The following MCM3 variants were observed in gnomAD, a reference collection of about 807,000 sequenced individuals.
MCM3 encodes minichromosome maintenance complex component 3, also known as DNA replication licensing factor MCM3.
MCM3 carries 59 observed loss-of-function variants against 91.3 expected under a neutral mutation model. That is an observed-to-expected ratio of 0.65 (90% CI 0.52 to 0.80). MCM3 has a LOEUF of 0.80. MCM3 is among the 30% of genes least tolerant of loss of function. The probability of loss-of-function intolerance (pLI) is 0.00; values close to 1 mark genes in which losing one functional copy is unlikely to be tolerated. For missense variants in MCM3, 919 were observed against 1,035.4 expected, an observed-to-expected ratio of 0.89 and a Z score of 1.54; for synonymous variants, 383 against 379.6, an observed-to-expected ratio of 1.01 and a Z score of -0.10.
intron 9 of MCM3, among the ~76,000 whole-genome samples, chr6:52,274,968 T>C (rs1329553410): frequency 6.6e-6 from 1 of 152,186 alleles, no homozygotes; most frequent in East Asian, 1.9e-4. Flanking sequence ...CTCACTATAT[T>C]GCCTAGGTTG....
chr6:52,277,385 A>T, intron 7 of MCM3, 150 bp downstream of exon 7: 1 of 985,104 alleles, frequency 1.0e-6, no homozygotes, highest in South Asian at 1.8e-5. Context: ...AATTCCAGAG[A>T]TGACAAAAAA....
chr6:52,272,068 TCA>T (rs368728580), intron 12 of MCM3, among the ~76,000 whole-genome samples: 4 of 152,212 alleles, frequency 2.6e-5, no homozygotes, highest in African/African-American at 9.7e-5. Context: ...GCTGAATGAA[TCA>T]CAGCTTCTGG....
rs770088069 is a variant in MCM3 at position 52,282,208 on chromosome 6, C to T, written c.401-33G>A. The T allele has an allele frequency of 9.9e-6, 16 of 1,611,590 alleles. No homozygotes were observed. The African/African-American group carries it at 2.0e-4, about 20-fold the overall frequency. On this transcript the variant is annotated intron_variant, in intron 3 of 16. Transcript: ENST00000596288. ...TGGAAAATGTGCATATATAAACTCACCCAACTAGACGATGATACAGGTGGA... is the reference window on the plus strand; with the variant it reads ...TGGAAAATGTGCATATATAAACTCATCCAACTAGACGATGATACAGGTGGA...
chr6:52,269,063 T>C (rs776413035), intron 13 of MCM3, 23 bp downstream of exon 13: 14 of 1,603,652 alleles, frequency 8.7e-6, no homozygotes, highest in Admixed American at 1.7e-5. Flanking sequence ...GATCCTCTCA[T>C]GCCCAGGCAT....
chr6:52,277,602 C>T lies in MCM3; in HGVS notation c.966G>A (p.Leu322=), dbSNP rs2307323. 0.013 allele frequency: 21,101 copies of T among 1,613,988 alleles called. 182 individuals are homozygous for T. The highest frequency in any genetic ancestry group is 0.02 in the South Asian group (1,862 of 91,076). ...TTTCTAGGTCTCGTTCCACCCCTCC[C>T]AAGAGCAAGCAGAGGATTGCTTTCT... is the stretch of plus-strand genomic sequence containing the variant. The part of the protein sequence containing the change: ...YVKKAILCLL[L]GGVERDLENG... Residue 322 remains leucine, a synonymous_variant, in exon 7 of 17, where the codon TTG becomes TTA. Transcript: ENST00000596288.
At position 52,276,389 on chromosome 6, in the gene MCM3, T is replaced by A. The variant is rs1489923600; in HGVS notation, c.1253A>T (p.Asp418Val). Reference sequence around the variant, plus strand: ...CATCACTTCATGGATGGCTGTGCGATCCATGTCAGACATTTTGTCAAATTC... The same window carrying A: ...CATCACTTCATGGATGGCTGTGCGAACCATGTCAGACATTTTGTCAAATTC... The part of the protein sequence containing the change: ...IDEFDKMSDM[D>V]RTAIHEVMEQ... Residue 418 changes from aspartate to valine, a missense_variant, in exon 9 of 17, where the codon GAT (aspartate) becomes GTT (valine). By Grantham distance (152) the Asp-to-Val change is radical (BLOSUM62 -3). This residue lies in a region of MCM3 where 233 missense variants were observed against 321.2 expected (regional missense o/e 0.73). Coordinates refer to ENST00000596288, the MANE Select transcript of MCM3 (RefSeq NM_002388.6). The A allele has an allele frequency of 6.2e-7, 1 of 1,614,068 alleles. No individual in the cohort carries two copies. Among genetic ancestry groups the A allele is most frequent in the African/African-American group, 1.3e-5 (1 of 74,926 alleles).
rs1394744460 is a variant in MCM3 at position 52,284,722 on chromosome 6, A to G, written c.-48T>C. On this transcript the variant is annotated 5_prime_UTR_variant, in exon 1 of 17. Coordinates refer to ENST00000596288, the MANE Select transcript of MCM3 (RefSeq NM_002388.6). ...CCACCAAAGTCGCGTGGAGGTTCCC[A>G]GGATGACTCCACCCCGGCGCGAAAA... 1.0e-5 allele frequency: 16 copies of G among 1,575,632 alleles called. No homozygotes were observed. The highest frequency in any genetic ancestry group is 1.4e-5 in the African/African-American group (1 of 73,840).
At chr6:52,275,907 A>G (rs1346368115) in intron 9 of MCM3, 1 of 169,934 alleles carries the variant, frequency 5.9e-6, no homozygotes, top group African/African-American at 2.4e-5. Flanking sequence ...ATTTCTTGGC[A>G]AAGTGACAGG....
At position 52,278,882 on chromosome 6, in the gene MCM3, T is replaced by C. The variant is rs113430598; in HGVS notation, c.771-32A>G. 510 of 1,483,324 alleles carry C rather than the reference T, an allele frequency of 3.4e-4. 1 individual carries two copies. The African/African-American group carries it at 6.1e-3, about 18-fold the overall frequency. 91.9% of individuals were successfully genotyped at this position (1,483,324 alleles called of 1,614,324 possible). A position where few individuals can be genotyped will look rare whatever the true frequency, so the allele number is the denominator to read the frequency against. ...CAAACAGAATAAAGAGGAAACCCGT[T>C]ATATTCAATTCCTAACATCAGTAGC... On this transcript the variant is annotated intron_variant, in intron 5 of 16. Transcript: ENST00000596288.
In MCM3 at chr6:52,273,808, G is replaced by T; in HGVS notation, c.1483C>A (p.Arg495=). The T allele has an allele frequency of 6.2e-7, 1 of 1,614,084 alleles. No homozygotes were observed. Among genetic ancestry groups the T allele is most frequent in the Non-Finnish European group, 8.5e-7 (1 of 1,180,006 alleles). Residue 495 remains arginine, a synonymous_variant, in exon 10 of 17, where the codon CGG becomes AGG. Transcript: ENST00000596288. ...MLDQMDPEQD[R]EISDHVLRMH... ...CGAAGGACATGGTCTGAGATCTCCC[G>T]ATCCTGCTCAGGATCCATCTGATCC...
At position 52,282,818 on chromosome 6, in the gene MCM3, C is replaced by T; in HGVS notation, c.235G>A (p.Ala79Thr). 6.2e-7 allele frequency: 1 copy of T among 1,614,046 alleles called. No individual in the cohort carries two copies. Among genetic ancestry groups the T allele is most frequent in the Middle Eastern group, 1.7e-4 (1 of 6,038 alleles). ...AFEELVAFQRALKDFVASIDA... is the reference protein window; with the variant it reads ...AFEELVAFQRTLKDFVASIDA... ...ATGGAGGCCACAAAATCCTTTAAGG[C>T]CCGCTGGAAGGCAACCAGCTCCTCA... Residue 79 changes from alanine (A) to threonine (T), a missense_variant, in exon 3 of 17, where the codon GCC becomes ACC. Around this residue, in one of 3 missense-constraint regions of MCM3, gnomAD observed 401 missense variants for 402.7 expected, o/e 1.00. Transcript: ENST00000596288.
chr6:52,265,784 T>C (rs1764597002), intron 16 of MCM3, among the ~76,000 whole-genome samples: 1 of 152,142 alleles, frequency 6.6e-6, no homozygotes. Context: ...CAGTAAGACA[T>C]TAAGTTTTAT....
intron 6 of MCM3, 75 bp downstream of exon 6, chr6:52,278,666 AC>A: frequency 1.0e-6 from 1 of 961,640 alleles, no homozygotes; most frequent in Non-Finnish European, 1.6e-6. Context: ...CTGATCTAGT[AC>A]AAAAATAGCC....
At position 52,278,749 on chromosome 6, in the gene MCM3, C is replaced by G; in HGVS notation, c.872G>C (p.Arg291Pro). The G allele has an allele frequency of 6.2e-7, 1 of 1,610,554 alleles. No homozygotes were observed. The highest frequency in any genetic ancestry group is 1.7e-5 in the Admixed American group (1 of 59,766). Residue 291 changes from arginine to proline, a missense_variant, in exon 6 of 17, where the codon CGA becomes CCA. Physicochemically the swap from Arg to Pro is moderately radical, Grantham distance 103 (BLOSUM62 -2). Coordinates refer to ENST00000596288, the MANE Select transcript of MCM3 (RefSeq NM_002388.6). Reference protein sequence around the residue: ...IAKIKKFSKTRSKDIFDQLAK... With the variant: ...IAKIKKFSKTPSKDIFDQLAK... Reference sequence around the variant, plus strand: ...TCTAAAGGATGCCCAGACCTTGGATCGGGTTTTACTGAACTTCTTGATCTT... The same window carrying G: ...TCTAAAGGATGCCCAGACCTTGGATGGGGTTTTACTGAACTTCTTGATCTT...
intron 14 of MCM3, among the ~76,000 whole-genome samples, chr6:52,267,570 C>T (rs1764742212): frequency 6.6e-6 from 1 of 150,888 alleles, no homozygotes; most frequent in Non-Finnish European, 1.5e-5. Flanking sequence ...CTCTGTCGCC[C>T]AGGCTGGAGT....
rs555336000 is a variant in MCM3 at position 52,273,733 on chromosome 6, T to C, written c.1549+9A>G. On this transcript the variant is annotated intron_variant, in intron 10 of 16. Coordinates refer to ENST00000596288, the MANE Select transcript of MCM3 (RefSeq NM_002388.6). ...CCATTAGTTACTCTTACTATTCTTATGGCCTCACCATCGCCATCCTGCTCC... is the reference window on the plus strand; with the variant it reads ...CCATTAGTTACTCTTACTATTCTTACGGCCTCACCATCGCCATCCTGCTCC... 3.1e-6 allele frequency: 5 copies of C among 1,604,504 alleles called. No individual in the cohort carries two copies. The East Asian group carries it at 6.7e-5, about 22-fold the overall frequency.
chr6:52,271,820 C>T lies in MCM3; in HGVS notation c.1827+481G>A, dbSNP rs1404894768. 5.9e-5 allele frequency among the ~76,000 whole-genome samples: 9 copies of T among 152,336 alleles called. No homozygotes were observed. In the East Asian group the frequency reaches 1.2e-3, roughly 20 times the overall value. ...TCCTTCCTTGACATTCATACCCCTT[C>T]AGGGAAGTCTAAAAGAAATTAACAG... On this transcript the variant is annotated intron_variant, in intron 12 of 16. Transcript: ENST00000596288.
chr6:52,279,281 T>C (rs994851159), intron 5 of MCM3, 80 bp downstream of exon 5: 8 of 1,238,386 alleles, frequency 6.5e-6, no homozygotes, highest in African/African-American at 1.5e-5. Flanking sequence ...CTCTCTGGAA[T>C]ATGGCAAACT....
chr6:52,268,024 C>T, intron 13 of MCM3, 56 bp from the exon 14 acceptor site: 4 of 1,612,962 alleles, frequency 2.5e-6, no homozygotes, highest in Non-Finnish European at 2.5e-6. Flanking sequence ...AGGGGAACTG[C>T]ATCAAGAACT....
Sources: allele counts gnomAD v4.1 joint callset (sites outside exome capture counted in the v4.1 genomes callset), GRCh38; gene constraint gnomAD v4.1.1; regional missense constraint gnomAD v4.1.1; transcripts MANE v1.5; gene names NCBI Gene and HGNC (gene_info 2026-07-23, HGNC 2026-07-21).